TET2: variants seen among roughly 807,000 people sequenced by gnomAD.
TET2 encodes methylcytosine dioxygenase TET2.
Under a neutral mutation model 142.9 loss-of-function variants are expected in TET2, and 299 were observed. The ratio of observed to expected loss-of-function variants is 2.09; its 90% CI spans 1.90 to 2.30. TET2 has a LOEUF of 2.30. TET2 is among the 30% of genes most tolerant of loss of function. The pLI, the probability that TET2 is intolerant of heterozygous loss-of-function variation, is 0.00. For missense variants in TET2, 2,418 were observed against 2,378.0 expected (o/e 1.02, Z -0.35); for synonymous variants, 819 against 849.0 (o/e 0.96, Z 0.61).
chr4:105,268,208 ATATAT>A (rs1337580914), intron 8 of TET2, among the ~76,000 whole-genome samples: 1 of 152,218 alleles, frequency 6.6e-6, no homozygotes, highest in African/African-American at 2.4e-5. Context: ...AATGAAATTA[ATATAT>A]GAATTTAGCA....
intron 1 of TET2, among the ~76,000 whole-genome samples, chr4:105,186,179 G>A (rs926313637): frequency 2.6e-5 from 4 of 151,908 alleles, no homozygotes; most frequent in East Asian, 2.0e-4. Flanking sequence ...GCAGTGAGCC[G>A]AGATCGTGCC....
intron 1 of TET2, among the ~76,000 whole-genome samples, chr4:105,187,487 A>T (rs1387075647): frequency 6.6e-6 from 1 of 152,184 alleles, no homozygotes; most frequent in African/African-American, 2.4e-5. Flanking sequence ...ATTTATTTGG[A>T]ATACATAAGT....
chr4:105,228,880 C>G (rs1272704731), intron 2 of TET2, among the ~76,000 whole-genome samples: 1 of 152,076 alleles, frequency 6.6e-6, no homozygotes, highest in African/African-American at 2.4e-5. Flanking sequence ...ATTTTAAAAC[C>G]TAAAGTTTCT....
rs191565954 is a variant in TET2, at chr4:105,246,602, T to C, written c.3803+2824T>C. Among the ~76,000 whole-genome samples the C allele has an allele frequency of 4.5e-3, 691 of 152,376 alleles. 3 individuals are homozygous for C. Among genetic ancestry groups the C allele is most frequent in the African/African-American group, 0.016 (647 of 41,594 alleles). On this transcript the variant is annotated intron_variant, in intron 6 of 10. Transcript: ENST00000380013. ...AAAATAGACACGTATCCAATGTCAA[T>C]ACAGACTTTACTCAGAAATAGCTTT... is the stretch of plus-strand genomic sequence containing the variant.
chr4:105,259,747 T>G lies in TET2; in HGVS notation c.3932T>G (p.Leu1311Arg). The G allele has an allele frequency of 6.4e-7, 1 of 1,550,868 alleles. No homozygotes were observed. The highest frequency in any genetic ancestry group is 8.7e-7 in the Non-Finnish European group (1 of 1,146,418). The change falls in exon 7 of 11, where the codon CTG becomes CGG. Residue 1311 changes from leucine (L) to arginine (R), a missense_variant. By Grantham distance (102) the Leu-to-Arg change is moderately radical. Transcript: ENST00000380013. ...AGCAAGATCCCAAGGAAGTTTAAGCTGCTTGGGGATGACCCAAAAGAGGTT... is the reference window on the plus strand; with the variant it reads ...AGCAAGATCCCAAGGAAGTTTAAGCGGCTTGGGGATGACCCAAAAGAGGTT... ...ARSKIPRKFK[L>R]LGDDPKEEEK...
At chr4:105,211,459 G>T (rs988431935) in intron 2 of TET2, among the ~76,000 whole-genome samples, 3 of 152,198 alleles carry the variant, frequency 2.0e-5, no homozygotes, top group Non-Finnish European at 4.4e-5. Flanking sequence ...GAATGTTGAA[G>T]AGAAGAGGGT....
At chr4:105,226,751 A>C (rs79553225) in intron 2 of TET2, among the ~76,000 whole-genome samples, 316 of 152,272 alleles carry the variant, frequency 2.1e-3, no homozygotes, top group Non-Finnish European at 3.8e-3. Context: ...CCCAAAGCAG[A>C]TGCCAGTGCT....
intron 2 of TET2, among the ~76,000 whole-genome samples, chr4:105,224,684 G>GACTCTCTCTCTC (rs1728064496): frequency 1.9e-5 from 2 of 108,106 alleles, no homozygotes; most frequent in Non-Finnish European, 3.8e-5. Flanking sequence ...ATATCAGCCA[G>GACTCTCTCTCTC]TCTCTCTCTC....
rs753552413 is a variant in TET2 at position 105,234,056 on chromosome 4, C to A, written c.114C>A (p.Ser38Arg). ...TGGCTACAAAGCTCCAGAATGGAAG[C>A]CCACTGCCTGAGAGAGCTCATCCAG... Reference protein sequence around the residue: ...EPLATKLQNGSPLPERAHPEV... With the variant: ...EPLATKLQNGRPLPERAHPEV... The change falls in exon 3 of 11, where the codon AGC (serine) becomes AGA (arginine). Residue 38 changes from serine (S) to arginine (R), a missense_variant. By Grantham distance (110) the Ser-to-Arg change is moderately radical. Coordinates refer to ENST00000380013, the MANE Select transcript of TET2 (RefSeq NM_001127208.3). 1 of 1,614,040 alleles carries A rather than the reference C, an allele frequency of 6.2e-7. No homozygotes were observed. The highest frequency in any genetic ancestry group is 8.5e-7 in the Non-Finnish European group (1 of 1,179,992).
At chr4:105,262,912 G>T (rs1730513415) in intron 8 of TET2, among the ~76,000 whole-genome samples, 1 of 151,780 alleles carries the variant, frequency 6.6e-6, no homozygotes, top group Non-Finnish European at 1.5e-5. Flanking sequence ...CTTTAACTGG[G>T]TGCGGTAGTT....
chr4:105,233,196 C>A (rs371057484), intron 2 of TET2, among the ~76,000 whole-genome samples: 246 of 151,712 alleles, frequency 1.6e-3, no homozygotes, highest in African/African-American at 5.7e-3. Context: ...CCAGCCTGGC[C>A]AACATAGTAA....
intron 1 of TET2, among the ~76,000 whole-genome samples, chr4:105,165,199 A>G (rs1390411991): frequency 6.6e-6 from 1 of 151,692 alleles, no homozygotes; most frequent in Non-Finnish European, 1.5e-5. Flanking sequence ...ACGTAGAGAA[A>G]CCCCGTCTGT....
intron 2 of TET2, among the ~76,000 whole-genome samples, chr4:105,216,926 C>G (rs1348479852): frequency 1.3e-5 from 2 of 151,982 alleles, no homozygotes; most frequent in Non-Finnish European, 2.9e-5. Context: ...ATGGAAATTT[C>G]TTTGCAGGTA....
chr4:105,257,780 A>G (rs1730214837), intron 6 of TET2, among the ~76,000 whole-genome samples: 1 of 152,130 alleles, frequency 6.6e-6, no homozygotes, highest in Non-Finnish European at 1.5e-5. Flanking sequence ...TGCTCCAGTT[A>G]TTAGCTACAC....
At chr4:105,243,883 A>G (rs1729449166) in intron 6 of TET2, 105 bp downstream of exon 6, 1 of 1,028,248 alleles carries the variant, frequency 9.7e-7, no homozygotes, top group Non-Finnish European at 1.4e-6. Context: ...CATTTATAAA[A>G]TGGGCATCAA....
chr4:105,175,480 A>T (rs1043830324), intron 1 of TET2, among the ~76,000 whole-genome samples: 1 of 152,168 alleles, frequency 6.6e-6, no homozygotes, highest in Admixed American at 6.5e-5. Context: ...GCCGAGGAAA[A>T]AATCTTTGAA....
At chr4:105,225,185 C>CGTGTTTGTGTGTGT (rs1728111286) in intron 2 of TET2, among the ~76,000 whole-genome samples, 1 of 147,104 alleles carries the variant, frequency 6.8e-6, no homozygotes. Flanking sequence ...AGTAAAAAAT[C>CGTGTTTGTGTGTGT]GTGTGTGTGT....
chr4:105,261,672 G>A (rs559743263), intron 7 of TET2, 87 bp from the exon 8 acceptor site: 28 of 734,330 alleles, frequency 3.8e-5, no homozygotes, highest in South Asian at 2.1e-4. Context: ...GATTCAAAAT[G>A]TAAGGGGAAT....
At chr4:105,246,781 T>C (rs932826823) in intron 6 of TET2, among the ~76,000 whole-genome samples, 1 of 152,236 alleles carries the variant, frequency 6.6e-6, no homozygotes, top group Non-Finnish European at 1.5e-5. Context: ...ATCACTGAGT[T>C]CTTACAAATC....
Sources: allele counts gnomAD v4.1 joint callset (sites outside exome capture counted in the v4.1 genomes callset), GRCh38; gene constraint gnomAD v4.1.1; transcripts MANE v1.5; gene names NCBI Gene and HGNC (gene_info 2026-07-23, HGNC 2026-07-21).